H3C4: variants seen among roughly 807,000 people sequenced by gnomAD.
H3C4 encodes the protein histone H3.1.
H3C4 carries 10 observed loss-of-function variants against 8.7 expected under a neutral mutation model. The ratio of observed to expected loss-of-function variants is 1.15; its 90% CI spans 0.71 to 1.96. The LOEUF is 1.96. Among genes scored for constraint, H3C4 ranks in the 30% most tolerant of loss-of-function variants. H3C4 has a pLI of 0.00. For synonymous variants in H3C4, 141 were observed against 80.1 expected (o/e 1.76, Z -4.06); for missense variants, 216 against 192.9 (o/e 1.12, Z -0.71).
chr6:26,197,000 C>G lies in H3C4; in HGVS notation c.251G>C (p.Arg84Pro). Residue 84 changes from arginine to proline, a missense_variant, in exon 1 of 1, where the codon CGT becomes CCT. Coordinates refer to ENST00000356476, the MANE Select transcript of H3C4 (RefSeq NM_001376937.1). ...EIAQDFKTDL[R>P]FQSSAVMALQ... ...CGCCATCACCGCCGAGCTCTGAAAA[C>G]GCAGATCAGTCTTGAAGTCCTGCGC... 6.2e-7 allele frequency: 1 copy of G among 1,614,240 alleles called. No homozygotes were observed. Among genetic ancestry groups the G allele is most frequent in the South Asian group, 1.1e-5 (1 of 91,082 alleles).
upstream of H3C4, among the ~76,000 whole-genome samples, chr6:26,197,764 A>G (rs995230272): frequency 6.6e-6 from 1 of 152,062 alleles, no homozygotes; most frequent in African/African-American, 2.4e-5. Context: ...CATAAGTAAC[A>G]ATATGAAACC....
chr6:26,196,907 G>C lies in H3C4; in HGVS notation c.344C>G (p.Ala115Gly). ...FEDTNLCAIH[A>G]KRVTIMPKDI... The stretch of plus-strand genomic sequence containing the variant: ...CTTGGGCATGATAGTCACTCGCTTG[G>C]CGTGAATGGCGCATAGGTTGGTGTC... Residue 115 changes from alanine to glycine, a missense_variant, in exon 1 of 1, where the codon GCC (alanine) becomes GGC (glycine). Physicochemically the swap from Ala to Gly is moderately conservative, Grantham distance 60. Coordinates refer to ENST00000356476, the MANE Select transcript of H3C4 (RefSeq NM_001376937.1). The C allele has an allele frequency of 6.2e-7, 1 of 1,614,234 alleles. No homozygotes were observed. Among genetic ancestry groups the C allele is most frequent in the Non-Finnish European group, 8.5e-7 (1 of 1,180,034 alleles).
chr6:26,197,296 G>A (rs1027337182), upstream of H3C4: 5 of 1,583,470 alleles, frequency 3.2e-6, no homozygotes, highest in African/African-American at 1.4e-5. Context: ...CGAAAGTCTA[G>A]CCTTTCGTAC....
At chr6:26,197,519 C>T (rs1765003343), upstream of H3C4, among the ~76,000 whole-genome samples, 1 of 152,024 alleles carries the variant, frequency 6.6e-6, no homozygotes, top group South Asian at 2.1e-4. Flanking sequence ...CTTTGGTTTT[C>T]CTTGGCAAAA....
chr6:26,198,385 G>T (rs1473457007), upstream of H3C4, among the ~76,000 whole-genome samples: 1 of 152,180 alleles, frequency 6.6e-6, no homozygotes, highest in Non-Finnish European at 1.5e-5. Flanking sequence ...AAACTGGAGT[G>T]CAGTGGCGCG....
At chr6:26,198,303 G>C (rs1272456289), upstream of H3C4, among the ~76,000 whole-genome samples, 1 of 152,124 alleles carries the variant, frequency 6.6e-6, no homozygotes, top group East Asian at 1.9e-4. Context: ...GTGACATAAA[G>C]TCTCTTTGCA....
At chr6:26,198,764 G>A (rs371620303), upstream of H3C4, 159 of 1,313,464 alleles carry the variant, frequency 1.2e-4, no homozygotes, top group Admixed American at 7.2e-4. Context: ...CAGAAAATGT[G>A]AGCCCTTTTA....
upstream of H3C4, chr6:26,199,145 G>A (rs1434727473): frequency 1.9e-6 from 3 of 1,614,048 alleles, no homozygotes; most frequent in Admixed American, 5.0e-5. Flanking sequence ...TGCGGAGCAA[G>A]CGGTGTACGC....
At chr6:26,199,142 C>A (rs1264993920), upstream of H3C4, 1 of 1,614,172 alleles carries the variant, frequency 6.2e-7, no homozygotes, top group Non-Finnish European at 8.5e-7. Flanking sequence ...CCTTGCGGAG[C>A]AAGCGGTGTA....
chr6:26,199,293 T>G (rs897718233), upstream of H3C4: 4 of 1,562,004 alleles, frequency 2.6e-6, no homozygotes, highest in East Asian at 2.3e-5. Context: ...AATGTAAAAG[T>G]GAATTTTGTT....
upstream of H3C4, chr6:26,199,096 C>A (rs142347437): frequency 8.1e-4 from 1,306 of 1,614,178 alleles, 4 homozygotes; most frequent in South Asian, 1.4e-3. Context: ...GCCAGATACA[C>A]TGGCGCGCCG....
chr6:26,199,027 C>G (rs1473864380), upstream of H3C4: 1 of 1,614,132 alleles, frequency 6.2e-7, no homozygotes, highest in Admixed American at 1.7e-5. Context: ...TTCTTGTTGT[C>G]GCGGGCGGCG....
At chr6:26,199,226 C>T (rs41266803), upstream of H3C4, 72,774 of 1,603,258 alleles carry the variant, frequency 0.045, 1,846 homozygotes, top group Middle Eastern at 0.093. Flanking sequence ...TTCCGCCTTG[C>T]TTGCCGCGTC....
upstream of H3C4, chr6:26,197,405 G>T: frequency 1.2e-5 from 8 of 677,528 alleles, no homozygotes; most frequent in Non-Finnish European, 2.0e-5. Flanking sequence ...AACATCTCCT[G>T]CATGTAGACC....
upstream of H3C4, chr6:26,199,268 A>G (rs546133634): frequency 1.3e-6 from 2 of 1,582,410 alleles, no homozygotes; most frequent in Admixed American, 4.2e-5. Flanking sequence ...AACGATGTTA[A>G]GCAATGAAGA....
chr6:26,199,195 T>G (rs878991364), upstream of H3C4: 1 of 1,613,672 alleles, frequency 6.2e-7, no homozygotes, highest in South Asian at 1.1e-5. Flanking sequence ...GAAGAGCGGG[T>G]CTTAGCCTTA....
chr6:26,197,154 T>C lies in H3C4; in HGVS notation c.97A>G (p.Thr33Ala). ...CGGTGGGGCTTCTTCACGCCGCCGG[T>C]GGCTGGAGCGCTCTTTCGAGCAGCC... ...TKAARKSAPA[T>A]GGVKKPHRYR... The change falls in exon 1 of 1, where the codon ACC becomes GCC. Residue 33 changes from threonine (T) to alanine (A), a missense_variant. By Grantham distance (58) the Thr-to-Ala change is moderately conservative. Coordinates refer to ENST00000356476, the MANE Select transcript of H3C4 (RefSeq NM_001376937.1). The C allele has an allele frequency of 6.2e-7, 1 of 1,614,164 alleles. No homozygotes were observed. The highest frequency in any genetic ancestry group is 8.5e-7 in the Non-Finnish European group (1 of 1,180,016).
chr6:26,198,795 GA>G, upstream of H3C4: 3 of 1,556,390 alleles, frequency 1.9e-6, no homozygotes, highest in Non-Finnish European at 2.6e-6. Flanking sequence ...GGGTGGCTCT[GA>G]AAAGAGCCTT....
At chr6:26,197,633 G>A (rs1298903086), upstream of H3C4, among the ~76,000 whole-genome samples, 1 of 151,826 alleles carries the variant, frequency 6.6e-6, no homozygotes, top group Admixed American at 6.6e-5. Context: ...AGTTGTGATT[G>A]GCCAAGTGAT....
Sources: gnomAD v4.1 joint callset for allele counts (sites outside exome capture counted in the v4.1 genomes callset) on GRCh38, gnomAD v4.1.1 for gene constraint, MANE v1.5 for transcripts, NCBI Gene and HGNC (gene_info 2026-07-23, HGNC 2026-07-21) for gene names.